NETO2: variants seen among roughly 807,000 people sequenced by gnomAD.
The protein encoded by NETO2 is neuropilin and tolloid-like protein 2.
Under a neutral mutation model 62.5 loss-of-function variants are expected in NETO2, and 28 were observed. The observed-to-expected ratio is 0.45, with a 90% CI of 0.33 to 0.61. The LOEUF (loss-of-function observed/expected upper bound fraction) is 0.61. NETO2 is among the 20% of genes least tolerant of loss of function. The probability of loss-of-function intolerance (pLI) is 0.02; values close to 1 mark genes in which losing one functional copy is unlikely to be tolerated. For synonymous variants in NETO2, 214 were observed against 219.1 expected (o/e 0.98, Z 0.21); for missense variants, 548 against 643.2 (o/e 0.85, Z 1.60).
chr16:47,083,473 C>A lies in NETO2; in HGVS notation c.1326G>T (p.Ser442=). 6.2e-7 allele frequency: 1 copy of A among 1,614,160 alleles called. No homozygotes were observed. Among genetic ancestry groups the A allele is most frequent in the Non-Finnish European group, 8.5e-7 (1 of 1,180,020 alleles). The change falls in exon 9 of 9, where the codon TCG becomes TCT. Residue 442 remains serine (S), a synonymous_variant. Transcript: ENST00000562435. ...SRCIHDHHCG[S]QASSVKQSRT... ...TGCTTTGTTTGACGCTGGAGGCCTG[C>A]GACCCACAGTGGTGGTCGTGGATGC...
At chr16:47,086,987 T>G (rs1007810963) in intron 7 of NETO2, among the ~76,000 whole-genome samples, 1 of 152,032 alleles carries the variant, frequency 6.6e-6, no homozygotes, top group Admixed American at 6.6e-5. Flanking sequence ...ACATACAACA[T>G]GGACAAAGCC....
Position 47,113,878 on chromosome 16 carries a change from C to CCAT in NETO2, c.655-4170_655-4168dup, listed in dbSNP as rs532068140. Among the ~76,000 whole-genome samples the CCAT allele has an allele frequency of 1.9e-4, 29 of 152,238 alleles. No homozygotes were observed. The South Asian group carries it at 6.0e-3, about 32-fold the overall frequency. On this transcript the variant is annotated intron_variant, in intron 6 of 8. Coordinates refer to ENST00000562435, the MANE Select transcript of NETO2 (RefSeq NM_018092.5). ...AAAGTGCTGGGATTATAGGCGTGAA[C>CCAT]CATCGCACCTGGCCTATTCTTTTAA...
At chr16:47,121,946 G>A (rs1484121671) in intron 6 of NETO2, among the ~76,000 whole-genome samples, 1 of 152,018 alleles carries the variant, frequency 6.6e-6, no homozygotes, top group Non-Finnish European at 1.5e-5. Context: ...TAGCAGATGG[G>A]TTTTCAGGTT....
chr16:47,086,351 G>C lies in NETO2; in HGVS notation c.884-12C>G, dbSNP rs1490570873. 6.3e-7 allele frequency: 1 copy of C among 1,582,764 alleles called. No homozygotes were observed. Among genetic ancestry groups the C allele is most frequent in the South Asian group, 1.1e-5 (1 of 90,426 alleles). ...GCTTGTGCAGGGAGCTGCAGGAAGA[G>C]AAAACAGTGTTGCAAAGAGCAGGCA... On this transcript the variant is annotated splice_polypyrimidine_tract_variant and intron_variant, in intron 7 of 8. Coordinates refer to ENST00000562435, the MANE Select transcript of NETO2 (RefSeq NM_018092.5).
chr16:47,121,563 A>G (rs182514369), intron 6 of NETO2, among the ~76,000 whole-genome samples: 170 of 152,346 alleles, frequency 1.1e-3, no homozygotes, highest in Admixed American at 2.1e-3. Flanking sequence ...CTAAACCCAG[A>G]AAAACAAGCT....
At chr16:47,087,050 GATGGAGT>G (rs1963206841) in intron 7 of NETO2, among the ~76,000 whole-genome samples, 1 of 146,154 alleles carries the variant, frequency 6.8e-6, no homozygotes. Context: ...TTTTTTTTGA[GATGGAGT>G]CTCACTCTGT....
At chr16:47,115,919 CTGATA>C (rs141818806) in intron 6 of NETO2, among the ~76,000 whole-genome samples, 4,718 of 151,096 alleles carry the variant, frequency 0.031, 109 homozygotes, top group East Asian at 0.079. Context: ...CCTTGTTAAC[CTGATA>C]TATTTGTTCC....
At chr16:47,132,053 ATG>A in intron 1 of NETO2, 28 bp from the exon 2 acceptor site, 1 of 1,534,544 alleles carries the variant, frequency 6.5e-7, no homozygotes, top group Non-Finnish European at 9.0e-7. Context: ...AAGAAAAGTT[ATG>A]AAATTGAATC....
intron 7 of NETO2, among the ~76,000 whole-genome samples, chr16:47,090,855 C>A (rs1350187768): frequency 2.0e-5 from 3 of 152,184 alleles, no homozygotes; most frequent in African/African-American, 7.2e-5. Context: ...CTGTATCATT[C>A]ATTTTAGCAA....
At chr16:47,118,878 TATTAA>T (rs1963977642) in intron 6 of NETO2, among the ~76,000 whole-genome samples, 1 of 152,196 alleles carries the variant, frequency 6.6e-6, no homozygotes, top group Non-Finnish European at 1.5e-5. Flanking sequence ...AATAACTTAA[TATTAA>T]ATACCAGTGT....
intron 7 of NETO2, among the ~76,000 whole-genome samples, chr16:47,090,119 T>G (rs1284099699): frequency 6.6e-6 from 1 of 152,100 alleles, no homozygotes; most frequent in African/African-American, 2.4e-5. Context: ...GACCCCCCCC[T>G]TTGATGGCTC....
chr16:47,143,478 GGGTCCC>G (rs1013064441), intron 1 of NETO2, 95 bp downstream of exon 1: 2 of 1,181,918 alleles, frequency 1.7e-6, no homozygotes, highest in African/African-American at 3.2e-5. Context: ...GAGGCGCGTC[GGGTCCC>G]GGGCGCGGGT....
intron 7 of NETO2, among the ~76,000 whole-genome samples, chr16:47,094,997 C>T (rs1963401556): frequency 6.6e-6 from 1 of 152,222 alleles, no homozygotes; most frequent in East Asian, 1.9e-4. Context: ...GTATGAGCCG[C>T]TGTGCCTGGC....
At chr16:47,100,996 C>CA (rs1387425064) in intron 7 of NETO2, among the ~76,000 whole-genome samples, 1 of 152,012 alleles carries the variant, frequency 6.6e-6, no homozygotes, top group East Asian at 1.9e-4. Context: ...AGAGACACAA[C>CA]AAAAAAGAAA....
At chr16:47,111,718 CA>C (rs1211051004) in intron 6 of NETO2, among the ~76,000 whole-genome samples, 1 of 152,186 alleles carries the variant, frequency 6.6e-6, no homozygotes, top group African/African-American at 2.4e-5. Context: ...GTCTGCTCTG[CA>C]GATGCGAACT....
In NETO2 at chr16:47,136,469, G is replaced by A. The variant is rs1045042270; in HGVS notation, c.35-4444C>T. ...GTCGCCTATGCTGGAGTGCAGTGGC[G>A]TGATTTTGGCTCACTTAACCTCTGC... On this transcript the variant is annotated intron_variant, in intron 1 of 8. Transcript: ENST00000562435. Among the ~76,000 whole-genome samples the A allele has an allele frequency of 1.2e-4, 19 of 152,200 alleles. 1 individual carries two copies. Among genetic ancestry groups the A allele is most frequent in the African/African-American group, 2.7e-4 (11 of 41,454 alleles).
At chr16:47,092,857 T>A (rs142103164) in intron 7 of NETO2, among the ~76,000 whole-genome samples, 2 of 152,294 alleles carry the variant, frequency 1.3e-5, no homozygotes, top group Admixed American at 6.5e-5. Flanking sequence ...AACATGACAC[T>A]TTCCCCATCT....
At chr16:47,102,612 C>A (rs1025236222) in intron 7 of NETO2, among the ~76,000 whole-genome samples, 2 of 150,766 alleles carry the variant, frequency 1.3e-5, no homozygotes, top group Non-Finnish European at 3.0e-5. Context: ...AAAAAACAAC[C>A]CCATCAAAAA....
At chr16:47,137,284 T>G (rs1195755192) in intron 1 of NETO2, among the ~76,000 whole-genome samples, 1 of 152,216 alleles carries the variant, frequency 6.6e-6, no homozygotes. Flanking sequence ...TTTCAGAGAC[T>G]CTGATCCACT....
Sources: allele counts gnomAD v4.1 joint callset (sites outside exome capture counted in the v4.1 genomes callset), GRCh38; gene constraint gnomAD v4.1.1; transcripts MANE v1.5; gene names NCBI Gene and HGNC (gene_info 2026-07-23, HGNC 2026-07-21).